THSD7B: variants seen among roughly 807,000 people sequenced by gnomAD.
The protein encoded by THSD7B is thrombospondin type-1 domain-containing protein 7B.
A neutral mutation model predicts 213.6 loss-of-function variants in THSD7B; 138 were observed. The observed-to-expected ratio is 0.65, with a 90% CI of 0.56 to 0.74. The LOEUF is 0.74. Ranked by LOEUF, THSD7B falls within the 30% of genes least tolerant of loss-of-function variation. THSD7B has a pLI of 0.00. For missense variants in THSD7B, 1,931 were observed against 1,991.5 expected (o/e 0.97, Z 0.58); for synonymous variants, 742 against 687.0 (o/e 1.08, Z -1.25).
At chr2:136,802,639 T>TATATA (rs1682205694) in intron 1 of THSD7B, among the ~76,000 whole-genome samples, 22 of 57,380 alleles carry the variant, frequency 3.8e-4, no homozygotes, top group African/African-American at 8.2e-4. Context: ...TGAATTAAGT[T>TATATA]TATATATATA....
chr2:137,272,700 T>C, intron 11 of THSD7B, 38 bp downstream of exon 11: 1 of 1,597,170 alleles, frequency 6.3e-7, no homozygotes, highest in Non-Finnish European at 8.5e-7. Context: ...TTAGACCTAC[T>C]GTAAATTATA....
chr2:137,541,438 G>A (rs1177665453), intron 15 of THSD7B, among the ~76,000 whole-genome samples: 1 of 151,558 alleles, frequency 6.6e-6, no homozygotes, highest in Non-Finnish European at 1.5e-5. Context: ...GACAAATAAT[G>A]GTAAATATTC....
At chr2:136,948,447 A>G (rs866196747) in intron 2 of THSD7B, among the ~76,000 whole-genome samples, 1 of 151,216 alleles carries the variant, frequency 6.6e-6, no homozygotes, top group African/African-American at 2.4e-5. Context: ...CATGCCTCAT[A>G]TATATCATAT....
At chr2:137,498,058 T>C (rs548667101) in intron 15 of THSD7B, among the ~76,000 whole-genome samples, 17 of 152,328 alleles carry the variant, frequency 1.1e-4, no homozygotes, top group Admixed American at 1.1e-3. Flanking sequence ...CCATTGCATA[T>C]TAAATAATCC....
intron 14 of THSD7B, among the ~76,000 whole-genome samples, chr2:137,443,479 G>C (rs1573628679): frequency 6.6e-6 from 1 of 151,980 alleles, no homozygotes; most frequent in South Asian, 2.1e-4. Flanking sequence ...ATATGTACTT[G>C]ATTACATACC....
At chr2:137,542,624 G>C (rs1261524158) in intron 15 of THSD7B, among the ~76,000 whole-genome samples, 1 of 151,578 alleles carries the variant, frequency 6.6e-6, no homozygotes, top group Non-Finnish European at 1.5e-5. Context: ...CATTCTCCAG[G>C]GTATACCATA....
chr2:137,379,173 T>C (rs911303123), intron 12 of THSD7B, among the ~76,000 whole-genome samples: 3 of 152,206 alleles, frequency 2.0e-5, no homozygotes, highest in African/African-American at 7.2e-5. Flanking sequence ...ACCTAGGGAC[T>C]AAGTATATAT....
intron 14 of THSD7B, among the ~76,000 whole-genome samples, chr2:137,417,576 A>G (rs1558790611): frequency 6.6e-6 from 1 of 152,116 alleles, no homozygotes. Flanking sequence ...AGTATCTAGG[A>G]CTACTGGCTA....
intron 1 of THSD7B, among the ~76,000 whole-genome samples, chr2:136,872,814 CAA>C (rs60759275): frequency 1.2e-3 from 76 of 65,536 alleles, no homozygotes; most frequent in African/African-American, 4.8e-3. Flanking sequence ...ACTGAAAATA[CAA>C]AAAAAAAAAA....
chr2:137,337,713 C>A (rs1684672016), intron 12 of THSD7B, among the ~76,000 whole-genome samples: 1 of 152,020 alleles, frequency 6.6e-6, no homozygotes, highest in Non-Finnish European at 1.5e-5. Context: ...TTTCATCAGT[C>A]TTACTATTTA....
chr2:136,985,794 C>G (rs879762522), intron 2 of THSD7B, among the ~76,000 whole-genome samples: 2 of 152,224 alleles, frequency 1.3e-5, no homozygotes, highest in Admixed American at 1.3e-4. Flanking sequence ...GGAAAAGCCA[C>G]AGCGTTGGAA....
chr2:137,036,840 C>T (rs1357192258), intron 2 of THSD7B, among the ~76,000 whole-genome samples: 1 of 152,128 alleles, frequency 6.6e-6, no homozygotes, highest in Non-Finnish European at 1.5e-5. Flanking sequence ...CTGGGCTGAA[C>T]CTTTCTCTGT....
intron 20 of THSD7B, among the ~76,000 whole-genome samples, chr2:137,628,834 G>C (rs994510369): frequency 1.3e-5 from 2 of 152,060 alleles, no homozygotes; most frequent in African/African-American, 4.8e-5. Flanking sequence ...CCATCACCTT[G>C]TACTGCCCTG....
intron 14 of THSD7B, among the ~76,000 whole-genome samples, chr2:137,436,381 G>C (rs6737297): frequency 0.15 from 22,406 of 152,076 alleles, 4,090 homozygotes; most frequent in African/African-American, 0.43. Flanking sequence ...GAACAGATAG[G>C]TTAAAGAATT....
chr2:137,115,222 G>A lies in THSD7B; in HGVS notation c.1298G>A (p.Gly433Asp). ...HWHVTGPVCG[G>D]GIQTREVYCA... ...CATGTGACGGGACCCGTGTGTGGCGGTGGGATCCAGACCCGGGAGGTGTAC... is the reference window on the plus strand; with the variant it reads ...CATGTGACGGGACCCGTGTGTGGCGATGGGATCCAGACCCGGGAGGTGTAC... The change falls in exon 5 of 28, where the codon GGT becomes GAT. Residue 433 changes from glycine to aspartate, a missense_variant. Coordinates refer to ENST00000409968, the MANE Select transcript of THSD7B (RefSeq NM_001316349.2). The A allele has an allele frequency of 6.2e-7, 1 of 1,613,670 alleles. No individual in the cohort carries two copies. The highest frequency in any genetic ancestry group is 8.5e-7 in the Non-Finnish European group (1 of 1,179,720).
intron 10 of THSD7B, among the ~76,000 whole-genome samples, chr2:137,261,100 A>C (rs950042070): frequency 6.6e-6 from 1 of 152,138 alleles, no homozygotes; most frequent in African/African-American, 2.4e-5. Flanking sequence ...GGTGTGAGCC[A>C]CCTTGCCTGG....
At chr2:137,197,783 G>T (rs942356074) in intron 7 of THSD7B, among the ~76,000 whole-genome samples, 1 of 152,190 alleles carries the variant, frequency 6.6e-6, no homozygotes. Context: ...TTTGTTCAGA[G>T]AGTGTAGTCC....
intron 15 of THSD7B, among the ~76,000 whole-genome samples, chr2:137,483,074 T>C (rs1329584107): frequency 6.6e-6 from 1 of 152,204 alleles, no homozygotes; most frequent in Non-Finnish European, 1.5e-5. Flanking sequence ...GTGTTCTCAA[T>C]AGGATGCCTT....
intron 12 of THSD7B, among the ~76,000 whole-genome samples, chr2:137,304,804 T>C (rs1282855920): frequency 6.6e-6 from 1 of 152,116 alleles, no homozygotes; most frequent in African/African-American, 2.4e-5. Context: ...ACATGATATA[T>C]AGTTTTCTTA....
Sources: gnomAD v4.1 joint callset for allele counts (sites outside exome capture counted in the v4.1 genomes callset) on GRCh38, gnomAD v4.1.1 for gene constraint, MANE v1.5 for transcripts, NCBI Gene and HGNC (gene_info 2026-07-23, HGNC 2026-07-21) for gene names.